Variants in ETV6 observed in about 807,000 individuals in gnomAD.
The protein encoded by ETV6 is transcription factor ETV6.
Under a neutral mutation model 51.1 loss-of-function variants are expected in ETV6, and 16 were observed. The observed-to-expected ratio is 0.31, with a 90% CI of 0.21 to 0.48. The LOEUF is 0.48. ETV6 is among the 20% of genes least tolerant of loss of function. The pLI, the probability that ETV6 is intolerant of heterozygous loss-of-function variation, is 0.99. For missense variants in ETV6, 458 were observed against 594.8 expected (o/e 0.77, Z 2.39); for synonymous variants, 240 against 224.1 (o/e 1.07, Z -0.64).
At chr12:11,703,728 G>T (rs906143762) in intron 1 of ETV6, among the ~76,000 whole-genome samples, 1 of 152,222 alleles carries the variant, frequency 6.6e-6, no homozygotes, top group African/African-American at 2.4e-5. Flanking sequence ...AGCAGATGTG[G>T]AGTTTCCTTC....
At chr12:11,708,919 A>G (rs1419653026) in intron 1 of ETV6, among the ~76,000 whole-genome samples, 1 of 152,174 alleles carries the variant, frequency 6.6e-6, no homozygotes, top group East Asian at 1.9e-4. Flanking sequence ...TCCATTCGAA[A>G]AGGCAAGGTC....
At chr12:11,747,765 C>T (rs1211124018) in intron 1 of ETV6, among the ~76,000 whole-genome samples, 1 of 152,176 alleles carries the variant, frequency 6.6e-6, no homozygotes, top group Non-Finnish European at 1.5e-5. Flanking sequence ...ACCTAGAAAA[C>T]TCTAGAGCTC....
chr12:11,808,100 A>G (rs1336613702), intron 2 of ETV6, among the ~76,000 whole-genome samples: 1 of 152,228 alleles, frequency 6.6e-6, no homozygotes. Flanking sequence ...TTCTCAATGT[A>G]AGTCATTTTT....
At position 11,884,169 on chromosome 12, in the gene ETV6, C is replaced by A. The variant is rs142780778; in HGVS notation, c.1010-276C>A. 5.3e-5 allele frequency among the ~76,000 whole-genome samples: 8 copies of A among 152,312 alleles called. No individual in the cohort carries two copies. The South Asian group carries it at 8.3e-4, about 16-fold the overall frequency. On this transcript the variant is annotated intron_variant, in intron 5 of 7. Coordinates refer to ENST00000396373, the MANE Select transcript of ETV6 (RefSeq NM_001987.5). ...TCTGCCCAGGTTTAAGTTTGGGTCA[C>A]GACCGTGGACTTCTGGGTCACTGTA...
chr12:11,812,722 AG>A (rs1394418155), intron 2 of ETV6, among the ~76,000 whole-genome samples: 1 of 152,168 alleles, frequency 6.6e-6, no homozygotes, highest in Non-Finnish European at 1.5e-5. Flanking sequence ...CTGTAACAAA[AG>A]GCTTCTGTGA....
At chr12:11,755,286 A>G (rs1944990595) in intron 2 of ETV6, among the ~76,000 whole-genome samples, 1 of 152,272 alleles carries the variant, frequency 6.6e-6, no homozygotes, top group Non-Finnish European at 1.5e-5. Flanking sequence ...ACTGCAGCAC[A>G]TTCCCGGAAA....
intron 4 of ETV6, among the ~76,000 whole-genome samples, chr12:11,855,603 A>T (rs566018855): frequency 6.6e-6 from 1 of 152,284 alleles, no homozygotes; most frequent in African/African-American, 2.4e-5. Flanking sequence ...AAAAAATGAG[A>T]AGTTTCTTGT....
At chr12:11,664,372 G>T (rs915697788) in intron 1 of ETV6, among the ~76,000 whole-genome samples, 1 of 152,012 alleles carries the variant, frequency 6.6e-6, no homozygotes, top group African/African-American at 2.4e-5. Flanking sequence ...ACTGCCAAGA[G>T]ATGTTGATGA....
intron 2 of ETV6, among the ~76,000 whole-genome samples, chr12:11,771,026 A>G (rs1945235735): frequency 6.6e-6 from 1 of 152,214 alleles, no homozygotes; most frequent in South Asian, 2.1e-4. Context: ...TTTGTCTCCC[A>G]TTAGAGACTG....
chr12:11,863,631 C>T (rs1465032020), intron 4 of ETV6, among the ~76,000 whole-genome samples: 1 of 152,152 alleles, frequency 6.6e-6, no homozygotes, highest in Admixed American at 6.5e-5. Context: ...GACATCAAGG[C>T]CAGACCAAAA....
chr12:11,682,575 C>T (rs536325313), intron 1 of ETV6, among the ~76,000 whole-genome samples: 3 of 152,274 alleles, frequency 2.0e-5, no homozygotes, highest in Non-Finnish European at 4.4e-5. Context: ...TTAATTAGAT[C>T]CCATTTGTCA....
At chr12:11,783,765 A>G (rs950476073) in intron 2 of ETV6, among the ~76,000 whole-genome samples, 1 of 152,218 alleles carries the variant, frequency 6.6e-6, no homozygotes, top group African/African-American at 2.4e-5. Context: ...GTGTGAACAT[A>G]AGACAGTTGT....
At chr12:11,883,835 T>A (rs1221534583) in intron 5 of ETV6, among the ~76,000 whole-genome samples, 1 of 152,184 alleles carries the variant, frequency 6.6e-6, no homozygotes, top group Admixed American at 6.5e-5. Context: ...TCTGTATCTC[T>A]TTTTGAAACC....
At chr12:11,847,548 G>A (rs1488093856) in intron 3 of ETV6, among the ~76,000 whole-genome samples, 1 of 152,212 alleles carries the variant, frequency 6.6e-6, no homozygotes, top group Non-Finnish European at 1.5e-5. Context: ...ACCAGGATAA[G>A]TGGAAATCTC....
At chr12:11,717,947 C>T (rs1865308872) in intron 1 of ETV6, among the ~76,000 whole-genome samples, 1 of 152,148 alleles carries the variant, frequency 6.6e-6, no homozygotes, top group African/African-American at 2.4e-5. Context: ...TTCTCAATCT[C>T]AACAGCCCCT....
intron 2 of ETV6, among the ~76,000 whole-genome samples, chr12:11,832,862 C>CA (rs1268616496): frequency 6.6e-6 from 1 of 152,138 alleles, no homozygotes; most frequent in Admixed American, 6.5e-5. Flanking sequence ...AGTATCCGTC[C>CA]AAAAGGAGGT....
intron 1 of ETV6, among the ~76,000 whole-genome samples, chr12:11,654,754 T>C (rs932016828): frequency 1.3e-5 from 2 of 152,230 alleles, no homozygotes; most frequent in Non-Finnish European, 2.9e-5. Context: ...CACAAAGGCC[T>C]GCAAGTTCTG....
intron 2 of ETV6, among the ~76,000 whole-genome samples, chr12:11,816,151 G>C (rs1281794708): frequency 1.3e-5 from 2 of 152,240 alleles, no homozygotes; most frequent in East Asian, 3.8e-4. Context: ...CTGGAGCCAG[G>C]TCTGCTAGAG....
intron 1 of ETV6, among the ~76,000 whole-genome samples, chr12:11,715,439 C>G (rs1161794066): frequency 6.6e-6 from 1 of 152,012 alleles, no homozygotes; most frequent in African/African-American, 2.4e-5. Context: ...ACCTTCAATC[C>G]TCACAACCAT....
Sources: allele counts gnomAD v4.1 joint callset (sites outside exome capture counted in the v4.1 genomes callset), GRCh38; gene constraint gnomAD v4.1.1; transcripts MANE v1.5; gene names NCBI Gene and HGNC (gene_info 2026-07-23, HGNC 2026-07-21).